Variants in SHC2 observed in about 807,000 individuals in gnomAD.
SHC2 encodes the protein SHC-transforming protein 2.
A neutral mutation model predicts 60.6 loss-of-function variants in SHC2; 62 were observed. The ratio of observed to expected loss-of-function variants is 1.02; its 90% CI spans 0.83 to 1.26. The LOEUF (loss-of-function observed/expected upper bound fraction) is 1.26, where lower values mean the gene tolerates loss of function less well. Ranked by LOEUF, SHC2 falls within the 50% of genes most tolerant of loss-of-function variation. The pLI is 0.00. For missense variants in SHC2, 873 were observed against 822.2 expected (o/e 1.06, Z -0.76); for synonymous variants, 375 against 372.4 (o/e 1.01, Z -0.08).
Position 441,310 on chromosome 19 carries a change from G to T in SHC2, c.469-378C>A. 1 of 276,914 alleles carries T rather than the reference G, an allele frequency of 3.6e-6. No individual in the cohort carries two copies. The highest frequency in any genetic ancestry group is 5.5e-6 in the Non-Finnish European group (1 of 183,090). The allele number at this position is 276,914 out of a possible 1,614,324, so 17.2% of individuals were successfully genotyped here. A position where few individuals can be genotyped will look rare whatever the true frequency, so the allele number is the denominator to read the frequency against. ...AGCACTTCCCTATCTCCAGCGCCCAGTTCAGGGTCTGGCAAACAGTGGGGC... is the reference window on the plus strand; with the variant it reads ...AGCACTTCCCTATCTCCAGCGCCCATTTCAGGGTCTGGCAAACAGTGGGGC... On this transcript the variant is annotated intron_variant, in intron 1 of 12. Transcript: ENST00000264554. The surrounding 1 kb of genome is among the most constrained non-coding windows in gnomAD (Gnocchi z 4.9).
chr19:438,998 G>A lies in SHC2; in HGVS notation c.572C>T (p.Pro191Leu), dbSNP rs1974788178. The change falls in exon 3 of 13, where the codon CCT becomes CTT. Residue 191 changes from proline (P) to leucine (L), a missense_variant. Pro to Leu is a moderately conservative substitution (Grantham distance 98). Coordinates refer to ENST00000264554, the MANE Select transcript of SHC2 (RefSeq NM_012435.3). The surrounding 1 kb of genome is among the most constrained non-coding windows in gnomAD (Gnocchi z 5.0). ...TTTCTTCCAGGATCCCCGGACGCCA[G>A]GCACGGCCTCATGGAGCCGGTTGAT... ...EAINRLHEAV[P>L]GVRGSWKKKA... is the part of the protein sequence containing the mutation. The A allele has an allele frequency of 6.2e-7, 1 of 1,601,118 alleles. No homozygotes were observed. The highest frequency in any genetic ancestry group is 1.7e-5 in the Admixed American group (1 of 58,612).
In SHC2 at chr19:453,725, G is replaced by T. The variant is rs1026156878; in HGVS notation, c.468+6804C>A. On this transcript the variant is annotated intron_variant, in intron 1 of 12. Coordinates refer to ENST00000264554, the MANE Select transcript of SHC2 (RefSeq NM_012435.3). This position sits in a 1 kb window ranked among gnomAD's most constrained non-coding sequence, Gnocchi z 6.3. ...ACTCCCCGCACCTCCCAGCTTAAGG[G>T]ACCCGCGATGCAGGAAGGATGAAGT... Among the ~76,000 whole-genome samples, 3 of 152,158 alleles carry T rather than the reference G, an allele frequency of 2.0e-5. No homozygotes were observed. The highest frequency in any genetic ancestry group is 7.2e-5 in the African/African-American group (3 of 41,434).
chr19:436,013 A>G, intron 7 of SHC2, 152 bp downstream of exon 7: 1 of 810,592 alleles, frequency 1.2e-6, no homozygotes, highest in Non-Finnish European at 1.9e-6. Context: ...CCGAGGAAAC[A>G]GGATCCTCTG....
intron 9 of SHC2, among the ~76,000 whole-genome samples, chr19:426,233 G>C (rs774916776): frequency 6.6e-6 from 1 of 152,244 alleles, no homozygotes; most frequent in Non-Finnish European, 1.5e-5. Context: ...GACGAGGGCA[G>C]AGGGGCTTCT....
chr19:426,502 G>C (rs1256222779), intron 9 of SHC2, among the ~76,000 whole-genome samples: 1 of 105,596 alleles, frequency 9.5e-6, no homozygotes, highest in Admixed American at 9.0e-5. Flanking sequence ...GACAGCACGA[G>C]AGGCAGAGTC....
Position 434,735 on chromosome 19 carries a change from G to C in SHC2, c.1084C>G (p.Pro362Ala). 1 of 1,612,052 alleles carries C rather than the reference G, an allele frequency of 6.2e-7. No individual in the cohort carries two copies. The highest frequency in any genetic ancestry group is 8.5e-7 in the Non-Finnish European group (1 of 1,179,594). ...LVDSRLALTQ[P>A]CALTALDQGP... ...TGGTCGAGGGCCGTGAGGGCGCAGG[G>C]CTGTGTCAGGGCCAGCCTGGAGTCC... is the stretch of plus-strand genomic sequence containing the variant. The change falls in exon 8 of 13, where the codon CCC becomes GCC. Residue 362 changes from proline to alanine, a missense_variant. Physicochemically the swap from Pro to Ala is conservative, Grantham distance 27. Coordinates refer to ENST00000264554, the MANE Select transcript of SHC2 (RefSeq NM_012435.3).
At position 436,656 on chromosome 19, in the gene SHC2, T is replaced by C. The variant is rs1974730106; in HGVS notation, c.748A>G (p.Ile250Val). The change falls in exon 5 of 13, where the codon ATC (isoleucine) becomes GTC (valine). Residue 250 changes from isoleucine (I) to valine (V), a missense_variant. Coordinates refer to ENST00000264554, the MANE Select transcript of SHC2 (RefSeq NM_012435.3). ...QVIANHHMPS[I>V]SFASGGDTDM... ...GTGTCTCCGCCTGACGCGAAGGAGA[T>C]GGACGGCATGTGGTGGTTGGCGATG... The C allele has an allele frequency of 6.2e-7, 1 of 1,607,554 alleles. No homozygotes were observed. Among genetic ancestry groups the C allele is most frequent in the Non-Finnish European group, 8.5e-7 (1 of 1,179,296 alleles).
Position 440,414 on chromosome 19 carries a change from A to G in SHC2, c.539+448T>C, listed in dbSNP as rs1974835380. Among the ~76,000 whole-genome samples, 2 of 152,160 alleles carry G rather than the reference A, an allele frequency of 1.3e-5. No homozygotes were observed. Among genetic ancestry groups the G allele is most frequent in the African/African-American group, 4.8e-5 (2 of 41,428 alleles). On this transcript the variant is annotated intron_variant, in intron 2 of 12. Transcript: ENST00000264554. This position sits in a 1 kb window ranked among gnomAD's most constrained non-coding sequence, Gnocchi z 7.0. ...ACGAATGGAATCAACCAGTTTTCAC[A>G]GAAAAAAAGGGTGTCGCTCTCTTCC...
rs1975529007 is a variant in SHC2 at position 460,691 on chromosome 19, C to T, written c.306G>A (p.Ala102=). The T allele has an allele frequency of 5.8e-6, 6 of 1,031,448 alleles. No homozygotes were observed. Among genetic ancestry groups the T allele is most frequent in the Non-Finnish European group, 6.9e-6 (6 of 864,610 alleles). 63.9% of individuals were successfully genotyped at this position (1,031,448 alleles called of 1,614,324 possible). Residue 102 remains alanine (A), a synonymous_variant, in exon 1 of 13, where the codon GCG becomes GCA. Transcript: ENST00000264554. ...GCCCGCCCCGCGACCCCCGCGACCC[C>T]GCGCCCCGACAGCGGCTGAGCGCGG... ...PLPALSRCRG[A]GSRGSRGGRG...
chr19:418,232 C>T (rs72970204), intron 12 of SHC2, among the ~76,000 whole-genome samples: 4,594 of 152,296 alleles, frequency 0.03, 134 homozygotes, highest in Non-Finnish European at 0.045. Context: ...CCCAGCCCAC[C>T]GTCCTCTCCG....
At chr19:448,594 C>T (rs1975102340) in intron 1 of SHC2, among the ~76,000 whole-genome samples, 1 of 152,228 alleles carries the variant, frequency 6.6e-6, no homozygotes, top group African/African-American at 2.4e-5. Flanking sequence ...TGGGGAACAC[C>T]GTTCGCCCCA....
At chr19:443,120 G>A (rs1181056840) in intron 1 of SHC2, among the ~76,000 whole-genome samples, 1 of 148,844 alleles carries the variant, frequency 6.7e-6, no homozygotes, top group Non-Finnish European at 1.5e-5. Flanking sequence ...GTGGTTGGAT[G>A]GGTGGACAGA....
At chr19:460,470 A>C in intron 1 of SHC2, 59 bp downstream of exon 1, 1 of 574,830 alleles carries the variant, frequency 1.7e-6, no homozygotes, top group Non-Finnish European at 1.9e-6. Context: ...CCCGGAGGAG[A>C]GGGTGGGGGA....
chr19:418,904 C>G lies in SHC2; in HGVS notation c.*5+19G>C, dbSNP rs529612082. 5.0e-4 allele frequency: 783 copies of G among 1,576,244 alleles called. 4 individuals are homozygous for G. In the South Asian group the frequency reaches 5.6e-3, roughly 11 times the overall value. On this transcript the variant is annotated intron_variant, in intron 12 of 12. Transcript: ENST00000264554. ...GGCAAAGGAGGCAAGGCCAGCGACC[C>G]ACGGCGGCAGCCACACACCTGGCTC...
intron 1 of SHC2, among the ~76,000 whole-genome samples, chr19:454,069 G>A (rs914699688): frequency 2.0e-5 from 3 of 152,244 alleles, no homozygotes; most frequent in African/African-American, 7.2e-5. Flanking sequence ...GCCTTCGGGT[G>A]AAGCCCAAAG....
chr19:430,699 C>T lies in SHC2; in HGVS notation c.1159G>A (p.Gly387Arg). The part of the protein sequence containing the change: ...RDACSLPWDV[G>R]STGTAPPGDG... ...CCCATCCTACCTGTACCGGTGGACCCCACGTCCCATGGCAGGCTGCAGGCA... is the reference window on the plus strand; with the variant it reads ...CCCATCCTACCTGTACCGGTGGACCTCACGTCCCATGGCAGGCTGCAGGCA... The change falls in exon 9 of 13, where the codon GGG becomes AGG. Residue 387 changes from glycine to arginine, a missense_variant. Gly to Arg is a moderately radical substitution (Grantham distance 125). Coordinates refer to ENST00000264554, the MANE Select transcript of SHC2 (RefSeq NM_012435.3). The T allele has an allele frequency of 6.2e-7, 1 of 1,613,010 alleles. No homozygotes were observed. Among genetic ancestry groups the T allele is most frequent in the Non-Finnish European group, 8.5e-7 (1 of 1,179,792 alleles).
At chr19:460,364 GGGCAGCCGCCGGCCGCC>G (rs1344405225) in intron 1 of SHC2, among the ~76,000 whole-genome samples, 148 bp downstream of exon 1, 7 of 152,066 alleles carry the variant, frequency 4.6e-5, no homozygotes, top group Non-Finnish European at 1.0e-4. Context: ...CTCCGGGTGG[GGGCAGCCGCCGGCCGCC>G]GGCCGGGGAT....
intron 9 of SHC2, among the ~76,000 whole-genome samples, chr19:426,390 A>AGT (rs1974417979): frequency 2.1e-5 from 3 of 143,456 alleles, no homozygotes; most frequent in Non-Finnish European, 4.6e-5. Flanking sequence ...GGAGGACGAC[A>AGT]CCGAGAGGGG....
At chr19:437,109 C>T (rs1351254811) in intron 4 of SHC2, among the ~76,000 whole-genome samples, 2 of 152,220 alleles carry the variant, frequency 1.3e-5, no homozygotes, top group African/African-American at 4.8e-5. Flanking sequence ...CGTGCAAGGG[C>T]ACCTGTGAGT....
Sources: allele counts gnomAD v4.1 joint callset (sites outside exome capture counted in the v4.1 genomes callset), GRCh38; gene constraint gnomAD v4.1.1; non-coding constraint Gnocchi (gnomAD v3.1); transcripts MANE v1.5; gene names NCBI Gene and HGNC (gene_info 2026-07-23, HGNC 2026-07-21).